ROBO1: variants seen among roughly 807,000 people sequenced by gnomAD.
The protein encoded by ROBO1 is roundabout homolog 1.
In ROBO1, 149 loss-of-function variants were observed where a neutral mutation model predicts 195.9. The ratio of observed to expected loss-of-function variants is 0.76; its 90% confidence interval spans 0.67 to 0.87. The LOEUF (loss-of-function observed/expected upper bound fraction) is 0.87, where lower values mean the gene tolerates loss of function less well. Among genes scored for constraint, ROBO1 ranks in the 40% least tolerant of loss-of-function variants. ROBO1 has a pLI of 0.00. For missense variants in ROBO1, 1,933 were observed against 2,068.3 expected, an observed-to-expected ratio of 0.93 and a Z score of 1.27; for synonymous variants, 816 against 733.2, an observed-to-expected ratio of 1.11 and a Z score of -1.82.
At chr3:79,070,855 C>T (rs2079075758) in intron 3 of ROBO1, among the ~76,000 whole-genome samples, 1 of 151,524 alleles carries the variant, frequency 6.6e-6, no homozygotes, top group South Asian at 2.1e-4. Flanking sequence ...CTTTTAATTG[C>T]TCTTTTATGT....
At chr3:78,720,594 G>A (rs949191707) in intron 5 of ROBO1, among the ~76,000 whole-genome samples, 5 of 152,238 alleles carry the variant, frequency 3.3e-5, no homozygotes, top group Admixed American at 2.6e-4. Context: ...CCATTACTGG[G>A]TATATACCCA....
At chr3:79,289,471 T>C (rs986781645) in intron 2 of ROBO1, among the ~76,000 whole-genome samples, 1 of 152,180 alleles carries the variant, frequency 6.6e-6, no homozygotes, top group Admixed American at 6.5e-5. Flanking sequence ...TTTAAACCAA[T>C]GGATGTCTCT....
chr3:78,681,554 A>T (rs2080909388), intron 10 of ROBO1, among the ~76,000 whole-genome samples: 1 of 152,168 alleles, frequency 6.6e-6, no homozygotes. Context: ...GAGTTAGGGA[A>T]TGCTTCTTGA....
chr3:79,247,784 G>A (rs1037469317), intron 2 of ROBO1, among the ~76,000 whole-genome samples: 3 of 152,074 alleles, frequency 2.0e-5, no homozygotes, highest in Non-Finnish European at 4.4e-5. Context: ...TAGAATCAAT[G>A]AGAAAATAAT....
chr3:79,164,478 G>A (rs2081028038), intron 2 of ROBO1, among the ~76,000 whole-genome samples: 1 of 152,074 alleles, frequency 6.6e-6, no homozygotes. Flanking sequence ...CAGAATATAA[G>A]TACGTCTCTC....
intron 2 of ROBO1, among the ~76,000 whole-genome samples, chr3:79,181,133 A>G (rs1313434901): frequency 6.6e-6 from 1 of 152,108 alleles, no homozygotes; most frequent in Middle Eastern, 3.2e-3. Context: ...GAATATAAAT[A>G]TGTTTAGCAT....
chr3:79,701,890 T>C (rs1947631816), intron 1 of ROBO1, among the ~76,000 whole-genome samples: 1 of 151,810 alleles, frequency 6.6e-6, no homozygotes, highest in South Asian at 2.1e-4. Context: ...TCATCTTAAA[T>C]TACCCATATG....
chr3:79,367,196 C>T (rs2036009615), intron 2 of ROBO1, among the ~76,000 whole-genome samples: 1 of 152,100 alleles, frequency 6.6e-6, no homozygotes, highest in South Asian at 2.1e-4. Context: ...AAGTGTCATA[C>T]ATAGTATGTT....
intron 21 of ROBO1, among the ~76,000 whole-genome samples, chr3:78,642,263 T>A (rs1706014067): frequency 6.6e-6 from 1 of 152,164 alleles, no homozygotes; most frequent in South Asian, 2.1e-4. Flanking sequence ...GGCAATTACC[T>A]TCAATTCCTA....
intron 2 of ROBO1, among the ~76,000 whole-genome samples, chr3:79,328,049 T>G (rs530866010): frequency 2.6e-5 from 4 of 152,170 alleles, no homozygotes; most frequent in Non-Finnish European, 5.9e-5. Context: ...TTCTCAAAAT[T>G]TTGCAAAACA....
At chr3:79,025,804 GAAGC>G (rs2078193037) in intron 3 of ROBO1, among the ~76,000 whole-genome samples, 1 of 152,074 alleles carries the variant, frequency 6.6e-6, no homozygotes, top group African/African-American at 2.4e-5. Context: ...ACATTCACAA[GAAGC>G]AAACCTCAAG....
intron 2 of ROBO1, among the ~76,000 whole-genome samples, chr3:79,524,781 T>C (rs1404056798): frequency 6.6e-6 from 1 of 152,152 alleles, no homozygotes; most frequent in Admixed American, 6.5e-5. Flanking sequence ...TGCTTGATCA[T>C]AAAGGTTGTA....
At chr3:79,124,896 A>G (rs970656700) in intron 3 of ROBO1, among the ~76,000 whole-genome samples, 1 of 152,180 alleles carries the variant, frequency 6.6e-6, no homozygotes, top group African/African-American at 2.4e-5. Flanking sequence ...ACAATTAGTT[A>G]ATTTGTTACT....
intron 2 of ROBO1, among the ~76,000 whole-genome samples, chr3:79,580,211 C>A (rs1352854597): frequency 1.3e-5 from 2 of 152,042 alleles, no homozygotes; most frequent in Non-Finnish European, 2.9e-5. Context: ...GTGGCTCATG[C>A]CTGTAATCCC....
chr3:79,741,928 T>C (rs937952392), intron 1 of ROBO1, among the ~76,000 whole-genome samples: 5 of 152,192 alleles, frequency 3.3e-5, no homozygotes, highest in African/African-American at 1.2e-4. Flanking sequence ...TGTGAAACTT[T>C]GAACTTGCAA....
chr3:79,231,447 C>G (rs1047460204), intron 2 of ROBO1, among the ~76,000 whole-genome samples: 3 of 151,804 alleles, frequency 2.0e-5, no homozygotes, highest in African/African-American at 7.3e-5. Context: ...ATGCAGCCAA[C>G]AATCATGAAT....
At chr3:78,734,674 T>C (rs1163648392) in intron 5 of ROBO1, among the ~76,000 whole-genome samples, 1 of 151,772 alleles carries the variant, frequency 6.6e-6, no homozygotes, top group Non-Finnish European at 1.5e-5. Flanking sequence ...AACAAACAGT[T>C]TGCAACAGTC....
chr3:78,986,155 T>C (rs6804234), intron 3 of ROBO1, among the ~76,000 whole-genome samples: 150,706 of 152,246 alleles, frequency 0.99, 74,598 homozygotes, highest in East Asian at 1. Context: ...ACCCAGATGA[T>C]ACATTTGCTT....
At chr3:78,738,283 A>C (rs2082440226) in intron 5 of ROBO1, among the ~76,000 whole-genome samples, 1 of 152,156 alleles carries the variant, frequency 6.6e-6, no homozygotes, top group Admixed American at 6.6e-5. Context: ...AAAGAAACCT[A>C]CAAAGACACA....
Sources: gnomAD v4.1 joint callset for allele counts (sites outside exome capture counted in the v4.1 genomes callset) on GRCh38, gnomAD v4.1.1 for gene constraint, MANE v1.5 for transcripts, NCBI Gene and HGNC (gene_info 2026-07-23, HGNC 2026-07-21) for gene names.